Variants in FRMD4A observed in about 807,000 individuals in gnomAD.
The protein encoded by FRMD4A is FERM domain containing 4A.
Under a neutral mutation model 129.1 loss-of-function variants are expected in FRMD4A, and 29 were observed. The ratio of observed to expected loss-of-function variants is 0.22; its 90% CI spans 0.17 to 0.31. The LOEUF (loss-of-function observed/expected upper bound fraction) is 0.31. Among genes scored for constraint, FRMD4A ranks in the 10% least tolerant of loss-of-function variants. The pLI is 1.00. For missense variants in FRMD4A, 1,272 were observed against 1,375.8 expected, an observed-to-expected ratio of 0.92 and a Z score of 1.19; for synonymous variants, 634 against 571.6, an observed-to-expected ratio of 1.11 and a Z score of -1.56.
At chr10:14,158,317 G>T (rs1450826190) in intron 2 of FRMD4A, among the ~76,000 whole-genome samples, 1 of 152,188 alleles carries the variant, frequency 6.6e-6, no homozygotes, top group Non-Finnish European at 1.5e-5. Context: ...TCAGTCAGAA[G>T]ATAGCCTCTG....
chr10:13,955,550 C>T (rs141985375), intron 2 of FRMD4A, among the ~76,000 whole-genome samples: 516 of 152,358 alleles, frequency 3.4e-3, no homozygotes, highest in African/African-American at 0.012. Flanking sequence ...TTCTTTTCTG[C>T]AGATGAGCTG....
rs1588947230 is a variant in FRMD4A at position 13,832,561 on chromosome 10, T to C, written c.112-21653A>G. ...GGAATCTGTGGATTCTTTTTTCTTTTTCTTTATTTAGAGAAAGGGTCTCAC... is the reference window on the plus strand; with the variant it reads ...GGAATCTGTGGATTCTTTTTTCTTTCTCTTTATTTAGAGAAAGGGTCTCAC... On this transcript the variant is annotated intron_variant, in intron 3 of 24. Coordinates refer to ENST00000357447, the MANE Select transcript of FRMD4A (RefSeq NM_018027.5). Among the ~76,000 whole-genome samples, 7 of 152,208 alleles carry C rather than the reference T, an allele frequency of 4.6e-5. No individual in the cohort carries two copies. In the South Asian group the frequency reaches 1.5e-3, roughly 32 times the overall value.
intron 2 of FRMD4A, among the ~76,000 whole-genome samples, chr10:13,948,068 C>T (rs895181324): frequency 2.7e-5 from 4 of 145,704 alleles, no homozygotes; most frequent in South Asian, 4.4e-4. Flanking sequence ...AAAAAAAAAA[C>T]ACCTTATCAG....
chr10:14,025,393 G>A (rs759343620), intron 2 of FRMD4A, among the ~76,000 whole-genome samples: 47 of 151,590 alleles, frequency 3.1e-4, no homozygotes, highest in Admixed American at 7.9e-4. Flanking sequence ...GTACTGTTCC[G>A]TAGTGTTAAG....
At chr10:14,320,411 T>A (rs1454901745) in intron 2 of FRMD4A, among the ~76,000 whole-genome samples, 3 of 152,126 alleles carry the variant, frequency 2.0e-5, no homozygotes, top group African/African-American at 7.2e-5. Flanking sequence ...CGGTTTAACA[T>A]TTCCTCCTGA....
At chr10:13,903,593 C>G (rs60855549) in intron 2 of FRMD4A, among the ~76,000 whole-genome samples, 42 of 151,208 alleles carry the variant, frequency 2.8e-4, no homozygotes, top group African/African-American at 1.0e-3. Context: ...AAAAATTAGC[C>G]AGGTGTAGTG....
intron 8 of FRMD4A, among the ~76,000 whole-genome samples, chr10:13,758,622 C>A (rs1321259577): frequency 3.3e-5 from 5 of 152,144 alleles, no homozygotes; most frequent in Non-Finnish European, 4.4e-5. Flanking sequence ...ATGCCTTATG[C>A]AGGGGAGGAG....
At chr10:13,819,586 A>G (rs1319516998) in intron 3 of FRMD4A, among the ~76,000 whole-genome samples, 1 of 152,000 alleles carries the variant, frequency 6.6e-6, no homozygotes, top group Admixed American at 6.6e-5. Context: ...CCAAAAACAT[A>G]TGTACCCATC....
intron 19 of FRMD4A, 106 bp from the exon 20 acceptor site, chr10:13,660,659 A>C (rs2082569241): frequency 2.9e-6 from 2 of 692,846 alleles, no homozygotes; most frequent in Non-Finnish European, 5.1e-6. Flanking sequence ...ACACAGCCAA[A>C]CCCACACCTT....
intron 2 of FRMD4A, among the ~76,000 whole-genome samples, chr10:13,921,262 C>CTCTTTCTCTCTTTCTCTCTTTCTCTCTT (rs1565042127): frequency 2.1e-4 from 1 of 4,718 alleles, no homozygotes; most frequent in Admixed American, 8.8e-4. Flanking sequence ...CTCTCTCTCT[C>CTCTTTCTCTCTTTCTCTCTTTCTCTCTT]TCTTTCTCTC....
chr10:14,189,933 T>C (rs1012083673), intron 2 of FRMD4A, among the ~76,000 whole-genome samples: 1 of 152,204 alleles, frequency 6.6e-6, no homozygotes, highest in Non-Finnish European at 1.5e-5. Context: ...CTATCTTAAT[T>C]ATGCTTGCAA....
intron 2 of FRMD4A, among the ~76,000 whole-genome samples, chr10:14,220,798 G>A (rs1843225803): frequency 2.0e-5 from 1 of 49,444 alleles, no homozygotes; most frequent in African/African-American, 4.7e-5. Context: ...GTGTGTGTGT[G>A]TGTGTGTGTG....
At chr10:13,935,742 A>G (rs1288409335) in intron 2 of FRMD4A, among the ~76,000 whole-genome samples, 1 of 151,860 alleles carries the variant, frequency 6.6e-6, no homozygotes, top group Non-Finnish European at 1.5e-5. Flanking sequence ...CTCATGTTGG[A>G]CTCTCCTATC....
intron 2 of FRMD4A, among the ~76,000 whole-genome samples, chr10:14,098,065 GATTATATATAAATTATAT>G (rs1837089409): frequency 2.2e-5 from 3 of 135,342 alleles, no homozygotes; most frequent in Non-Finnish European, 4.8e-5. Context: ...ATAAATTATA[GATTATATATAAATTATAT>G]ATTATATAAA....
At chr10:14,142,828 T>C (rs2131844155) in intron 2 of FRMD4A, among the ~76,000 whole-genome samples, 1 of 152,282 alleles carries the variant, frequency 6.6e-6, no homozygotes, top group South Asian at 2.1e-4. Context: ...AATTAAAAAA[T>C]GGGCAAAGGA....
At chr10:13,984,709 C>T (rs540542515) in intron 2 of FRMD4A, among the ~76,000 whole-genome samples, 8 of 152,292 alleles carry the variant, frequency 5.3e-5, no homozygotes, top group African/African-American at 1.9e-4. Context: ...TGTCAGAATT[C>T]GCTTCCTTTT....
At chr10:14,132,400 G>T (rs1341995898) in intron 2 of FRMD4A, among the ~76,000 whole-genome samples, 1 of 152,186 alleles carries the variant, frequency 6.6e-6, no homozygotes, top group East Asian at 1.9e-4. Flanking sequence ...AAGTATTGAG[G>T]GAAAAAGAGG....
At chr10:13,740,431 G>T in intron 10 of FRMD4A, 81 bp downstream of exon 10, 1 of 946,696 alleles carries the variant, frequency 1.1e-6, no homozygotes, top group Non-Finnish European at 1.7e-6. Flanking sequence ...TGTCTTTGGA[G>T]AGGAACTGAA....
intron 2 of FRMD4A, among the ~76,000 whole-genome samples, chr10:13,974,396 G>A (rs2131390446): frequency 6.6e-6 from 1 of 152,256 alleles, no homozygotes; most frequent in Non-Finnish European, 1.5e-5. Flanking sequence ...GGAGCCTGGT[G>A]ACACCAGCAG....
Sources: gnomAD v4.1 joint callset for allele counts (sites outside exome capture counted in the v4.1 genomes callset) on GRCh38, gnomAD v4.1.1 for gene constraint, MANE v1.5 for transcripts, NCBI Gene and HGNC (gene_info 2026-07-23, HGNC 2026-07-21) for gene names.